The following SYBU variants were observed in gnomAD, a reference collection of about 807,000 sequenced individuals.
SYBU encodes the protein syntabulin.
In SYBU, 21 loss-of-function variants were observed where a neutral mutation model predicts 35.9. The ratio of observed to expected loss-of-function variants is 0.58; its 90% CI spans 0.41 to 0.84. The LOEUF is 0.84. SYBU is among the 40% of genes least tolerant of loss of function. The pLI is 0.00. For missense variants in SYBU, 768 were observed against 848.2 expected, an observed-to-expected ratio of 0.91 and a Z score of 1.17; for synonymous variants, 319 against 324.3, an observed-to-expected ratio of 0.98 and a Z score of 0.18.
chr8:109,581,828 C>T (rs182062735), intron 4 of SYBU, among the ~76,000 whole-genome samples: 7 of 152,186 alleles, frequency 4.6e-5, no homozygotes, highest in Admixed American at 2.6e-4. Context: ...ATAAATAAAA[C>T]GTAACCAAGT....
intron 1 of SYBU, among the ~76,000 whole-genome samples, chr8:109,654,250 T>C (rs1177221293): frequency 6.6e-6 from 1 of 152,164 alleles, no homozygotes; most frequent in Non-Finnish European, 1.5e-5. Context: ...ACTTCCCTGC[T>C]CCTTGAACCA....
At chr8:109,688,273 T>C (rs1370507108) in intron 1 of SYBU, among the ~76,000 whole-genome samples, 2 of 152,250 alleles carry the variant, frequency 1.3e-5, no homozygotes, top group Non-Finnish European at 1.5e-5. Context: ...AATAGTATGA[T>C]TCATATTCAG....
intron 1 of SYBU, among the ~76,000 whole-genome samples, chr8:109,672,174 T>C (rs1275619976): frequency 6.6e-6 from 1 of 152,220 alleles, no homozygotes; most frequent in Non-Finnish European, 1.5e-5. Flanking sequence ...GTGCTGGGAT[T>C]ACAGGTGTGA....
At chr8:109,650,791 T>C (rs1368478515) in intron 1 of SYBU, among the ~76,000 whole-genome samples, 1 of 152,136 alleles carries the variant, frequency 6.6e-6, no homozygotes, top group Non-Finnish European at 1.5e-5. Flanking sequence ...AGAGAAAAAA[T>C]ATGCCTTTTT....
At chr8:109,607,478 T>G (rs1227327342) in intron 3 of SYBU, among the ~76,000 whole-genome samples, 1 of 152,194 alleles carries the variant, frequency 6.6e-6, no homozygotes, top group Non-Finnish European at 1.5e-5. Flanking sequence ...CTTCAAACTA[T>G]GTGCAGTGCC....
intron 1 of SYBU, among the ~76,000 whole-genome samples, chr8:109,652,427 C>T (rs564785131): frequency 2.0e-4 from 30 of 151,924 alleles, no homozygotes; most frequent in African/African-American, 5.6e-4. Context: ...CTTCTGCCAC[C>T]GTCCAGGCCC....
chr8:109,617,564 C>T (rs1265718361), intron 3 of SYBU, among the ~76,000 whole-genome samples: 1 of 152,136 alleles, frequency 6.6e-6, no homozygotes, highest in Non-Finnish European at 1.5e-5. Context: ...TGTTTTATTT[C>T]TTGGCTAAAA....
chr8:109,615,363 C>G (rs1162109363), intron 3 of SYBU, among the ~76,000 whole-genome samples: 1 of 152,128 alleles, frequency 6.6e-6, no homozygotes, highest in Non-Finnish European at 1.5e-5. Context: ...GCAGTATCCT[C>G]TTGTGTTTTA....
chr8:109,643,215 C>A, intron 1 of SYBU: 1 of 1,105,124 alleles, frequency 9.0e-7, no homozygotes. Context: ...CATCCTACTT[C>A]CCTATGCTGG....
chr8:109,620,110 GTTAAT>G (rs1307281260), intron 2 of SYBU, among the ~76,000 whole-genome samples: 1 of 152,154 alleles, frequency 6.6e-6, no homozygotes. Flanking sequence ...AGGATAGTTG[GTTAAT>G]TTATTTATAT....
intron 1 of SYBU, among the ~76,000 whole-genome samples, chr8:109,668,731 T>C (rs1396565208): frequency 6.6e-6 from 1 of 152,198 alleles, no homozygotes; most frequent in Non-Finnish European, 1.5e-5. Flanking sequence ...CATCTGAGGG[T>C]GAACACTGGA....
chr8:109,652,770 T>C (rs938464816), intron 1 of SYBU, among the ~76,000 whole-genome samples: 7 of 152,274 alleles, frequency 4.6e-5, no homozygotes, highest in African/African-American at 1.4e-4. Flanking sequence ...TGGATGTCAA[T>C]AAATGGAACA....
chr8:109,592,920 C>T (rs1824446879), intron 3 of SYBU, among the ~76,000 whole-genome samples: 1 of 152,180 alleles, frequency 6.6e-6, no homozygotes, highest in African/African-American at 2.4e-5. Context: ...TGATTCCCAT[C>T]CCATTGGGTT....
intron 4 of SYBU, among the ~76,000 whole-genome samples, chr8:109,582,633 A>G (rs1420664096): frequency 6.6e-6 from 1 of 152,146 alleles, no homozygotes. Flanking sequence ...ATGGCTCTGG[A>G]CTTCAGGTAA....
intron 3 of SYBU, among the ~76,000 whole-genome samples, chr8:109,593,096 A>C (rs1438357334): frequency 6.6e-6 from 1 of 152,218 alleles, no homozygotes; most frequent in East Asian, 1.9e-4. Context: ...CTCTCACAAA[A>C]ATTCCAGTTC....
In SYBU at chr8:109,576,048, A is replaced by T. The variant is rs780286285; in HGVS notation, c.885-35T>A. 4,748 of 1,275,764 alleles carry T rather than the reference A, an allele frequency of 3.7e-3. 144 individuals are homozygous for T. The African/African-American group carries it at 0.1, about 27-fold the overall frequency. 79.0% of individuals were successfully genotyped at this position (1,275,764 alleles called of 1,614,324 possible). A position where few individuals can be genotyped will look rare whatever the true frequency, so the allele number is the denominator to read the frequency against. ...CAAGACAAGCATGGTTAATTAAAAA[A>T]AAAAAAAAAAAAAAAAAAAAAACTT... On this transcript the variant is annotated intron_variant, in intron 6 of 6. Coordinates refer to ENST00000276646, the MANE Select transcript of SYBU (RefSeq NM_001099754.2).
In SYBU at chr8:109,676,070, C is replaced by T. The variant is rs997837185; in HGVS notation, c.-129+4641G>A. Among the ~76,000 whole-genome samples, 3 of 152,148 alleles carry T rather than the reference C, an allele frequency of 2.0e-5. No individual in the cohort carries two copies. In the East Asian group the frequency reaches 5.8e-4, roughly 29 times the overall value. On this transcript the variant is annotated intron_variant, in intron 1 of 5. Coordinates refer to the SYBU transcript ENST00000408889. ...ATTATCTCAACAGATGCAGAAAAGG[C>T]CTTCGATAAAATTCAACACCCCTTC...
rs3134332 is a variant in SYBU at position 109,691,184 on chromosome 8, C to T, written c.-58+149G>A. On this transcript the variant is annotated intron_variant, in intron 1 of 7. Transcript: ENST00000422135. This position sits in a 1 kb window ranked among gnomAD's most constrained non-coding sequence, Gnocchi z 4.7. ...TCCACGACCTTCTTCTGTGCATCGC[C>T]GAGCACCCTGGATACCTCCCGCATT... The T allele has an allele frequency of 0.13, 74,012 of 573,970 alleles. 6,020 individuals carry two copies. The highest frequency in any genetic ancestry group is 0.39 in the East Asian group (11,709 of 30,112). The allele number at this position is 573,970 out of a possible 1,614,324, so 35.6% of individuals were successfully genotyped here.
At chr8:109,595,465 A>G (rs2129931390) in intron 3 of SYBU, among the ~76,000 whole-genome samples, 1 of 152,300 alleles carries the variant, frequency 6.6e-6, no homozygotes, top group African/African-American at 2.4e-5. Flanking sequence ...TTATCTCCAC[A>G]TCAGTTCATA....
Sources: gnomAD v4.1 joint callset for allele counts (sites outside exome capture counted in the v4.1 genomes callset) on GRCh38, gnomAD v4.1.1 for gene constraint, Gnocchi (gnomAD v3.1) non-coding constraint, MANE v1.5 for transcripts, NCBI Gene and HGNC (gene_info 2026-07-23, HGNC 2026-07-21) for gene names.